The following FAM216A variants were observed in gnomAD, a reference collection of about 807,000 sequenced individuals.
The protein encoded by FAM216A is family with sequence similarity 216 member A.
FAM216A carries 26 observed loss-of-function variants against 37.6 expected under a neutral mutation model. The observed-to-expected ratio is 0.69, with a 90% CI of 0.51 to 0.96. The LOEUF (loss-of-function observed/expected upper bound fraction) is 0.96, where lower values mean the gene tolerates loss of function less well. Ranked by LOEUF, FAM216A falls within the 40% of genes least tolerant of loss-of-function variation. The probability of loss-of-function intolerance (pLI) is 0.00; values close to 1 mark genes in which losing one functional copy is unlikely to be tolerated. For missense variants in FAM216A, 326 were observed against 339.3 expected (o/e 0.96, Z 0.31); for synonymous variants, 110 against 121.7 (o/e 0.90, Z 0.64).
At position 110,487,942 on chromosome 12, in the gene FAM216A, A is replaced by T. The variant is rs1396662467; in HGVS notation, c.702A>T (p.Thr234=). The T allele has an allele frequency of 1.3e-6, 2 of 1,575,552 alleles. No homozygotes were observed. Among genetic ancestry groups the T allele is most frequent in the Non-Finnish European group, 8.7e-7 (1 of 1,151,000 alleles). The change falls in exon 6 of 7, where the codon ACA becomes ACT. Residue 234 remains threonine, a splice_region_variant and synonymous_variant. Transcript: ENST00000377673. The part of the protein sequence containing the change: ...FRRPRKLFMQ[T]VSSDDSESHM... Reference sequence around the variant, plus strand: ...GACCAAGGAAACTGTTCATGCAAACAGGTAAATGTGGAAATTTAACAATAT... The same window carrying T: ...GACCAAGGAAACTGTTCATGCAAACTGGTAAATGTGGAAATTTAACAATAT...
intron 1 of FAM216A, 76 bp from the exon 2 acceptor site, chr12:110,473,002 A>G: frequency 1.7e-6 from 1 of 600,494 alleles, no homozygotes. Context: ...AAAAAAAAAA[A>G]AATTGAAATA....
At chr12:110,479,958 A>G (rs919699568) in intron 2 of FAM216A, among the ~76,000 whole-genome samples, 1 of 152,088 alleles carries the variant, frequency 6.6e-6, no homozygotes, top group East Asian at 1.9e-4. Flanking sequence ...AGTATATTCA[A>G]AAGTTCTTGG....
chr12:110,476,635 C>T (rs568335990), intron 2 of FAM216A, among the ~76,000 whole-genome samples: 4 of 151,920 alleles, frequency 2.6e-5, no homozygotes, highest in Non-Finnish European at 5.9e-5. Context: ...TCAAGCAGTT[C>T]TTGTGTCTCA....
At position 110,486,659 on chromosome 12, in the gene FAM216A, T is replaced by G. The variant is rs113004509; in HGVS notation, c.562T>G (p.Ser188Ala). 3.1e-6 allele frequency: 5 copies of G among 1,614,040 alleles called. No individual in the cohort carries two copies. In the East Asian group the frequency reaches 6.7e-5, roughly 22 times the overall value. Residue 188 changes from serine (S) to alanine (A), a missense_variant, in exon 5 of 7, where the codon TCT becomes GCT. By Grantham distance (99) the Ser-to-Ala change is moderately conservative. Coordinates refer to ENST00000377673, the MANE Select transcript of FAM216A (RefSeq NM_013300.3). ...DSGSSDIAAA[S>A]APEMLIQHSL... The stretch of plus-strand genomic sequence containing the variant: ...GGGGTCTTCTGATATCGCAGCTGCA[T>G]CTGCACCTGAAATGCTCATACAGCA...
intron 3 of FAM216A, 136 bp downstream of exon 3, chr12:110,485,335 T>C: frequency 1.6e-6 from 1 of 637,794 alleles, no homozygotes; most frequent in Non-Finnish European, 2.6e-6. Context: ...TAGGAGTCAA[T>C]AAATATCTTT....
intron 2 of FAM216A, among the ~76,000 whole-genome samples, chr12:110,483,549 C>A (rs998456234): frequency 6.6e-6 from 1 of 152,150 alleles, no homozygotes; most frequent in Non-Finnish European, 1.5e-5. Flanking sequence ...ATACGCTGGG[C>A]ATGGTGGCTC....
At chr12:110,471,762 A>G (rs149361398) in intron 1 of FAM216A, among the ~76,000 whole-genome samples, 4 of 152,254 alleles carry the variant, frequency 2.6e-5, no homozygotes, top group South Asian at 2.1e-4. Context: ...TGAAAAGTTC[A>G]TAACAAAAAC....
intron 1 of FAM216A, among the ~76,000 whole-genome samples, chr12:110,469,816 A>G (rs555605158): frequency 6.6e-6 from 1 of 152,054 alleles, no homozygotes; most frequent in African/African-American, 2.4e-5. Flanking sequence ...ACCTCAAACG[A>G]GGATTTCTAA....
chr12:110,483,797 T>C (rs914839737), intron 2 of FAM216A, among the ~76,000 whole-genome samples: 4 of 151,826 alleles, frequency 2.6e-5, no homozygotes, highest in Non-Finnish European at 5.9e-5. Context: ...GCCTGGGCAA[T>C]AGAGTGAGAC....
chr12:110,472,227 C>T (rs796925615), intron 1 of FAM216A, among the ~76,000 whole-genome samples: 5 of 149,098 alleles, frequency 3.4e-5, no homozygotes, highest in African/African-American at 1.2e-4. Flanking sequence ...CAAGACTCTA[C>T]CTCAAAAAAG....
intron 2 of FAM216A, 69 bp downstream of exon 2, chr12:110,473,187 A>C: frequency 1.3e-6 from 1 of 799,408 alleles, no homozygotes; most frequent in Non-Finnish European, 2.0e-6. Context: ...TTTGTCTGTA[A>C]CTACTTACAC....
chr12:110,469,361 C>T, intron 1 of FAM216A: 1 of 259,798 alleles, frequency 3.8e-6, no homozygotes, highest in Non-Finnish European at 7.3e-6. Flanking sequence ...GACTGTGTGT[C>T]CACCGAAAGG....
At position 110,484,094 on chromosome 12, in the gene FAM216A, G is replaced by A. The variant is rs557415804; in HGVS notation, c.185-984G>A. On this transcript the variant is annotated intron_variant, in intron 2 of 6. Coordinates refer to ENST00000377673, the MANE Select transcript of FAM216A (RefSeq NM_013300.3). ...TATGCCACTGCACTCCAGCCTGGGCGTCAGAGATCCCATCTCTTAAAAAAA... is the reference window on the plus strand; with the variant it reads ...TATGCCACTGCACTCCAGCCTGGGCATCAGAGATCCCATCTCTTAAAAAAA... 1.4e-3 allele frequency among the ~76,000 whole-genome samples: 211 copies of A among 152,032 alleles called. 1 individual carries two copies. Among genetic ancestry groups the A allele is most frequent in the African/African-American group, 4.8e-3 (200 of 41,480 alleles).
intron 2 of FAM216A, among the ~76,000 whole-genome samples, chr12:110,484,177 C>T: frequency 6.6e-6 from 1 of 151,586 alleles, no homozygotes; most frequent in East Asian, 1.9e-4. Flanking sequence ...GCCTGTAATC[C>T]CAGCACTTTG....
chr12:110,468,696 A>G, upstream of FAM216A: 2 of 1,521,234 alleles, frequency 1.3e-6, no homozygotes, highest in East Asian at 2.5e-5. Flanking sequence ...GCAAACGCTC[A>G]GCGACCGCAG....
chr12:110,481,103 A>AT (rs1294798747), intron 2 of FAM216A, among the ~76,000 whole-genome samples: 1 of 152,002 alleles, frequency 6.6e-6, no homozygotes, highest in Non-Finnish European at 1.5e-5. Context: ...GAATTCTCTT[A>AT]TTTTTTTAAA....
intron 2 of FAM216A, among the ~76,000 whole-genome samples, chr12:110,477,801 G>A (rs1395317330): frequency 2.6e-5 from 4 of 151,724 alleles, no homozygotes; most frequent in African/African-American, 4.8e-5. Flanking sequence ...TCCGCCTCCC[G>A]GGTTCATGCC....
chr12:110,468,962 G>C lies in FAM216A; in HGVS notation c.87G>C (p.Glu29Asp). 1 of 1,522,914 alleles carries C rather than the reference G, an allele frequency of 6.6e-7. No homozygotes were observed. The highest frequency in any genetic ancestry group is 1.4e-5 in the African/African-American group (1 of 72,742). 94.3% of individuals were successfully genotyped at this position (1,522,914 alleles called of 1,614,324 possible). Reference sequence around the variant, plus strand: ...AGGGTCCGGGGTCCGACTGGACGGAGCGTAGCTCTTCTGCAGAGCCGCCCG... The same window carrying C: ...AGGGTCCGGGGTCCGACTGGACGGACCGTAGCTCTTCTGCAGAGCCGCCCG... ...PGQGPGSDWT[E>D]RSSSAEPPAV... The change falls in exon 1 of 7, where the codon GAG (glutamate) becomes GAC (aspartate). Residue 29 changes from glutamate to aspartate, a missense_variant. Coordinates refer to ENST00000377673, the MANE Select transcript of FAM216A (RefSeq NM_013300.3).
At chr12:110,471,138 A>G (rs2062684990) in intron 1 of FAM216A, among the ~76,000 whole-genome samples, 1 of 151,844 alleles carries the variant, frequency 6.6e-6, no homozygotes, top group Non-Finnish European at 1.5e-5. Flanking sequence ...TCTGTCACCC[A>G]GGCTGGAGTG....
Sources: gnomAD v4.1 joint callset for allele counts (sites outside exome capture counted in the v4.1 genomes callset) on GRCh38, gnomAD v4.1.1 for gene constraint, MANE v1.5 for transcripts, NCBI Gene and HGNC (gene_info 2026-07-23, HGNC 2026-07-21) for gene names.